The following PARVA variants were observed in gnomAD, a reference collection of about 807,000 sequenced individuals.
The protein encoded by PARVA is parvin alpha.
Under a neutral mutation model 52.6 loss-of-function variants are expected in PARVA, and 25 were observed. That is an observed-to-expected ratio of 0.48 (90% CI 0.35 to 0.66). The LOEUF (loss-of-function observed/expected upper bound fraction) is 0.66, where lower values mean the gene tolerates loss of function less well. Ranked by LOEUF, PARVA falls within the 30% of genes least tolerant of loss-of-function variation. PARVA has a pLI of 0.01. For missense variants in PARVA, 373 were observed against 450.9 expected, an observed-to-expected ratio of 0.83 and a Z score of 1.56; for synonymous variants, 185 against 179.1, an observed-to-expected ratio of 1.03 and a Z score of -0.26.
At chr11:12,377,517 A>G, upstream of PARVA, 2 of 1,425,834 alleles carry the variant, frequency 1.4e-6, no homozygotes, top group Non-Finnish European at 1.9e-6. Context: ...GGCGAGCGTG[A>G]GCTGCCTCAA....
In PARVA at chr11:12,514,001, T is replaced by C. The variant is rs749693080; in HGVS notation, c.803T>C (p.Leu268Pro). 1 of 1,613,876 alleles carries C rather than the reference T, an allele frequency of 6.2e-7. No individual in the cohort carries two copies. Among genetic ancestry groups the C allele is most frequent in the Non-Finnish European group, 8.5e-7 (1 of 1,179,796 alleles). Residue 268 changes from leucine to proline, a missense_variant, in exon 10 of 13, where the codon CTC becomes CCC. Coordinates refer to ENST00000334956, the MANE Select transcript of PARVA (RefSeq NM_018222.5). Reference protein sequence around the residue: ...PDKLNVVKKTLITFVNKHLNK... With the variant: ...PDKLNVVKKTPITFVNKHLNK... ...CCTGCTTTGCTTCTCTTTTAGACAC[T>C]CATCACTTTCGTGAACAAGCACCTG...
intron 10 of PARVA, among the ~76,000 whole-genome samples, chr11:12,515,581 C>G (rs142959337): frequency 4.6e-5 from 7 of 152,162 alleles, no homozygotes; most frequent in African/African-American, 1.7e-4. Flanking sequence ...AGGTGAGGAG[C>G]AGTCTAAGCC....
chr11:12,504,041 A>G (rs1270691756), intron 5 of PARVA, among the ~76,000 whole-genome samples: 1 of 152,274 alleles, frequency 6.6e-6, no homozygotes, highest in East Asian at 1.9e-4. Context: ...GGTGCCATAT[A>G]CTTTTCAACC....
intron 10 of PARVA, 93 bp downstream of exon 10, chr11:12,514,158 C>A: frequency 1.1e-6 from 1 of 925,742 alleles, no homozygotes; most frequent in Non-Finnish European, 1.8e-6. Flanking sequence ...GAGGGCTTTC[C>A]CAGCTGAGGG....
intron 12 of PARVA, among the ~76,000 whole-genome samples, chr11:12,520,331 T>C: frequency 6.6e-6 from 1 of 152,220 alleles, no homozygotes; most frequent in East Asian, 1.9e-4. Flanking sequence ...CAGCATTCCG[T>C]CTGGTTTTTA....
chr11:12,426,967 A>G (rs1180225556), intron 1 of PARVA, among the ~76,000 whole-genome samples: 4 of 152,202 alleles, frequency 2.6e-5, no homozygotes, highest in African/African-American at 4.8e-5. Flanking sequence ...ATAAATAGAC[A>G]TGATTTATTT....
At chr11:12,507,850 G>A (rs1439884673) in intron 6 of PARVA, among the ~76,000 whole-genome samples, 1 of 152,092 alleles carries the variant, frequency 6.6e-6, no homozygotes, top group Non-Finnish European at 1.5e-5. Context: ...CTCAAGGGCA[G>A]AAACTATATC....
intron 1 of PARVA, chr11:12,452,797 A>T (rs1433522103): frequency 3.5e-6 from 1 of 287,416 alleles, no homozygotes; most frequent in African/African-American, 2.2e-5. Flanking sequence ...GTGGCATCGT[A>T]TTAAATTATA....
Position 12,533,577 on chromosome 11 carries a change from A to C in PARVA, c.*5652A>C, listed in dbSNP as rs1489453100. On this transcript the variant is annotated 3_prime_UTR_variant, in exon 13 of 13. Transcript: ENST00000334956. ...GACCCCTGAGCAGCTGAAAATTTGC[A>C]TGTAACTTGACTCCCCCAAAACGTA... 6.6e-5 allele frequency among the ~76,000 whole-genome samples: 10 copies of C among 152,134 alleles called. No individual in the cohort carries two copies. Among genetic ancestry groups the C allele is most frequent in the Non-Finnish European group, 4.4e-5 (3 of 68,024 alleles).
chr11:12,506,101 T>C (rs1941428419), intron 6 of PARVA, among the ~76,000 whole-genome samples: 1 of 152,138 alleles, frequency 6.6e-6, no homozygotes, highest in Non-Finnish European at 1.5e-5. Context: ...GCAGGGAATA[T>C]ATAGGAAATC....
intron 2 of PARVA, 32 bp from the exon 3 acceptor site, chr11:12,473,881 G>C (rs1169635912): frequency 6.4e-7 from 1 of 1,563,378 alleles, no homozygotes; most frequent in Admixed American, 1.9e-5. Flanking sequence ...TCCCATGCCA[G>C]CACCCCCACT....
chr11:12,414,297 C>T (rs1462334227), intron 1 of PARVA, among the ~76,000 whole-genome samples: 1 of 152,166 alleles, frequency 6.6e-6, no homozygotes, highest in Non-Finnish European at 1.5e-5. Context: ...TTTACAACAG[C>T]CCACTTCCTT....
chr11:12,395,055 C>T (rs1041203020), intron 1 of PARVA, among the ~76,000 whole-genome samples: 16 of 149,712 alleles, frequency 1.1e-4, no homozygotes, highest in Admixed American at 6.7e-5. Context: ...CAGGCCATTG[C>T]ACTCCAGCCT....
intron 1 of PARVA, among the ~76,000 whole-genome samples, chr11:12,389,977 C>T (rs1049816783): frequency 5.9e-5 from 9 of 152,190 alleles, no homozygotes; most frequent in African/African-American, 2.2e-4. Context: ...AGAGGCAATG[C>T]TCCTCTTCTA....
At chr11:12,442,134 C>G (rs181349601) in intron 1 of PARVA, among the ~76,000 whole-genome samples, 1 of 152,342 alleles carries the variant, frequency 6.6e-6, no homozygotes, top group East Asian at 1.9e-4. Context: ...TCTACTTAAT[C>G]ATACTCTTCA....
At chr11:12,438,104 C>G (rs1460253948) in intron 1 of PARVA, among the ~76,000 whole-genome samples, 1 of 151,796 alleles carries the variant, frequency 6.6e-6, no homozygotes, top group Non-Finnish European at 1.5e-5. Context: ...ACTAAAAATA[C>G]AAAAAATTAG....
At chr11:12,460,862 G>A (rs1564852588) in intron 1 of PARVA, among the ~76,000 whole-genome samples, 1 of 152,176 alleles carries the variant, frequency 6.6e-6, no homozygotes, top group African/African-American at 2.4e-5. Context: ...GAGATGACAA[G>A]GCTTCACCAG....
chr11:12,523,255 G>C (rs930352304), intron 12 of PARVA, among the ~76,000 whole-genome samples: 2 of 152,192 alleles, frequency 1.3e-5, no homozygotes, highest in Non-Finnish European at 2.9e-5. Flanking sequence ...AGAGATGCGA[G>C]ACAGGATGAG....
At chr11:12,447,090 T>C (rs927888600) in intron 1 of PARVA, among the ~76,000 whole-genome samples, 1 of 152,230 alleles carries the variant, frequency 6.6e-6, no homozygotes, top group Non-Finnish European at 1.5e-5. Flanking sequence ...GTTCCATCTA[T>C]GTGTTACTCA....
Sources: allele counts gnomAD v4.1 joint callset (sites outside exome capture counted in the v4.1 genomes callset), GRCh38; gene constraint gnomAD v4.1.1; transcripts MANE v1.5; gene names NCBI Gene and HGNC (gene_info 2026-07-23, HGNC 2026-07-21).